The following NAP1L1 variants were observed in gnomAD, a reference collection of about 807,000 sequenced individuals.
NAP1L1 encodes the protein nucleosome assembly protein 1-like 1.
In NAP1L1, 9 loss-of-function variants were observed where a neutral mutation model predicts 58.9. That is an observed-to-expected ratio of 0.15 (90% CI 0.09 to 0.27). NAP1L1 has a LOEUF of 0.27. Ranked by LOEUF, NAP1L1 falls within the 10% of genes least tolerant of loss-of-function variation. The probability of loss-of-function intolerance (pLI) is 1.00; values close to 1 mark genes in which losing one functional copy is unlikely to be tolerated. For missense variants in NAP1L1, 302 were observed against 458.8 expected (o/e 0.66, Z 3.12); for synonymous variants, 130 against 138.3 (o/e 0.94, Z 0.42).
At chr12:76,063,067 A>G (rs115487773) in intron 4 of NAP1L1, among the ~76,000 whole-genome samples, 1,796 of 152,320 alleles carry the variant, frequency 0.012, 38 homozygotes, top group African/African-American at 0.041. Flanking sequence ...GACAAAAATT[A>G]TATCAGGTAT....
rs7972487 is a variant in NAP1L1 at position 76,067,319 on chromosome 12, G to T, written c.206+52C>A. ...CCTAGATGGTCTTAAAAATAGATAC[G>T]CCTGCAACGTTGATTATAGAAAGAT... On this transcript the variant is annotated intron_variant, in intron 4 of 14. Transcript: ENST00000618691. The T allele has an allele frequency of 7.1e-3, 9,480 of 1,335,928 alleles. 490 individuals carry two copies. In the African/African-American group the frequency reaches 0.12, roughly 17 times the overall value. The allele number at this position is 1,335,928 out of a possible 1,614,324, so 82.8% of individuals were successfully genotyped here. A position where few individuals can be genotyped will look rare whatever the true frequency, so the allele number is the denominator to read the frequency against.
At chr12:76,058,387 CTTTT>C (rs34510500) in intron 6 of NAP1L1, among the ~76,000 whole-genome samples, 4 of 133,186 alleles carry the variant, frequency 3.0e-5, no homozygotes, top group Admixed American at 7.5e-5. Context: ...TTATTTGGTA[CTTTT>C]TTTTTTTTTT....
At chr12:76,079,209 T>A (rs1341569552) in intron 1 of NAP1L1, among the ~76,000 whole-genome samples, 1 of 152,088 alleles carries the variant, frequency 6.6e-6, no homozygotes, top group Non-Finnish European at 1.5e-5. Context: ...TAAAATACTA[T>A]CCCCAACCAA....
At chr12:76,055,207 A>T (rs1015683609) in intron 7 of NAP1L1, 117 bp from the exon 8 acceptor site, 72 of 625,200 alleles carry the variant, frequency 1.2e-4, no homozygotes, top group Non-Finnish European at 1.6e-4. Flanking sequence ...TTTGTATAGC[A>T]ATTATGAACC....
At chr12:76,081,904 T>G (rs1401341071) in intron 1 of NAP1L1, among the ~76,000 whole-genome samples, 1 of 152,260 alleles carries the variant, frequency 6.6e-6, no homozygotes, top group Non-Finnish European at 1.5e-5. Context: ...TATTACTCTT[T>G]GACCCCTTTA....
At chr12:76,056,677 C>T in intron 6 of NAP1L1, 1 of 443,500 alleles carries the variant, frequency 2.3e-6, no homozygotes, top group Non-Finnish European at 4.5e-6. Context: ...CTCAGCCTAC[C>T]ATGAAGTTAA....
intron 4 of NAP1L1, 60 bp from the exon 5 acceptor site, chr12:76,060,339 G>T: frequency 6.5e-7 from 1 of 1,538,800 alleles, no homozygotes; most frequent in South Asian, 1.2e-5. Flanking sequence ...CACTTCTTTT[G>T]TCATACTGAA....
At chr12:76,066,527 C>T (rs17116193) in intron 4 of NAP1L1, among the ~76,000 whole-genome samples, 7,981 of 151,648 alleles carry the variant, frequency 0.053, 720 homozygotes, top group African/African-American at 0.18. Flanking sequence ...CAATGGGCAA[C>T]GAAAAAGGTT....
chr12:76,049,733 T>C lies in NAP1L1; in HGVS notation c.1089+23A>G, dbSNP rs1367094443. 3.1e-6 allele frequency: 5 copies of C among 1,611,790 alleles called. No homozygotes were observed. In the African/African-American group the frequency reaches 6.7e-5, roughly 22 times the overall value. On this transcript the variant is annotated intron_variant, in intron 13 of 14. Transcript: ENST00000618691. ...TCAATGTGTTAACCACAGAGAATTA[T>C]TTGCTCATTTGGTAAACATTACCTC... is the stretch of plus-strand genomic sequence containing the variant.
At chr12:76,058,444 T>C (rs1431180119) in intron 6 of NAP1L1, among the ~76,000 whole-genome samples, 1 of 150,132 alleles carries the variant, frequency 6.7e-6, no homozygotes, top group Non-Finnish European at 1.5e-5. Context: ...TGGAGCGCAG[T>C]GGTGCGATCT....
At position 76,038,043 on chromosome 12, in the gene NAP1L1, C is replaced by T. The variant is rs1434579057; in HGVS notation, c.*10386G>A. 1 of 152,018 alleles carries T rather than the reference C, an allele frequency of 6.6e-6. No individual in the cohort carries two copies. Among genetic ancestry groups the T allele is most frequent in the Admixed American group, 6.6e-5 (1 of 15,256 alleles). The allele number at this position is 152,018 out of a possible 1,614,324, so 9.4% of individuals were successfully genotyped here. A position where few individuals can be genotyped will look rare whatever the true frequency, so the allele number is the denominator to read the frequency against. Reference sequence around the variant, plus strand: ...GTAATATTAGCTTTGAAGTGACAAACGAAAATATGGAACTGGATGAAATGG... The same window carrying T: ...GTAATATTAGCTTTGAAGTGACAAATGAAAATATGGAACTGGATGAAATGG... On this transcript the variant is annotated 3_prime_UTR_variant, in exon 15 of 15. Transcript: ENST00000618691.
intron 7 of NAP1L1, among the ~76,000 whole-genome samples, chr12:76,055,495 T>C (rs1454871692): frequency 6.6e-6 from 1 of 152,224 alleles, no homozygotes; most frequent in African/African-American, 2.4e-5. Context: ...AGATCATTTC[T>C]TTTTCTCCAT....
chr12:76,050,192 A>G (rs890874395), intron 12 of NAP1L1, among the ~76,000 whole-genome samples: 1 of 152,174 alleles, frequency 6.6e-6, no homozygotes, highest in African/African-American at 2.4e-5. Flanking sequence ...TAGAAATTCT[A>G]TGCCTCCCAG....
chr12:76,073,001 G>C (rs559157118), intron 2 of NAP1L1, among the ~76,000 whole-genome samples: 1 of 152,056 alleles, frequency 6.6e-6, no homozygotes. Context: ...TAGTAAAATA[G>C]ATCCAATGAC....
intron 14 of NAP1L1, 53 bp downstream of exon 14, chr12:76,049,147 C>T: frequency 2.6e-6 from 4 of 1,523,844 alleles, no homozygotes; most frequent in Non-Finnish European, 3.6e-6. Context: ...AAAACACCAA[C>T]TCTTACTTTA....
chr12:76,059,994 G>T, intron 5 of NAP1L1, 116 bp from the exon 6 acceptor site: 1 of 1,163,810 alleles, frequency 8.6e-7, no homozygotes, highest in Non-Finnish European at 1.2e-6. Flanking sequence ...AACTTTAACT[G>T]CTATTATTGA....
intron 6 of NAP1L1, among the ~76,000 whole-genome samples, chr12:76,058,805 C>T (rs1949267870): frequency 6.6e-6 from 1 of 152,112 alleles, no homozygotes; most frequent in South Asian, 2.1e-4. Context: ...AATTTGGCTT[C>T]CTCACCAATA....
chr12:76,060,237 G>A lies in NAP1L1; in HGVS notation c.249C>T (p.Asn83=), dbSNP rs1318343714. Residue 83 remains asparagine, a synonymous_variant, in exon 5 of 15, where the codon AAC becomes AAT. Transcript: ENST00000618691. ...CTATCTGTGCACATTTAACTTGCAG[G>A]TTTTTGAGAGCATTCACTCGTCTTT... ...VVKRRVNALK[N]LQVKCAQIEA... 1.2e-5 allele frequency: 19 copies of A among 1,613,772 alleles called. 1 individual carries two copies. The South Asian group carries it at 1.5e-4, about 13-fold the overall frequency.
intron 8 of NAP1L1, 65 bp from the exon 9 acceptor site, chr12:76,053,974 C>T: frequency 6.9e-7 from 1 of 1,454,884 alleles, no homozygotes; most frequent in East Asian, 2.4e-5. Context: ...CTTTAGTAAA[C>T]ACAGCTTCAT....
Sources: allele counts gnomAD v4.1 joint callset (sites outside exome capture counted in the v4.1 genomes callset), GRCh38; gene constraint gnomAD v4.1.1; transcripts MANE v1.5; gene names NCBI Gene and HGNC (gene_info 2026-07-23, HGNC 2026-07-21).